RPS6KC1: variants seen among roughly 807,000 people sequenced by gnomAD.
The protein encoded by RPS6KC1 is ribosomal protein S6 kinase C1, also known as inactive ribosomal protein S6 kinase delta-1.
Under a neutral mutation model 103.8 loss-of-function variants are expected in RPS6KC1, and 54 were observed. The ratio of observed to expected loss-of-function variants is 0.52; its 90% CI spans 0.42 to 0.65. RPS6KC1 has a LOEUF of 0.65. RPS6KC1 is among the 30% of genes least tolerant of loss of function. The pLI is 0.00. For missense variants in RPS6KC1, 1,151 were observed against 1,253.8 expected (o/e 0.92, Z 1.24); for synonymous variants, 439 against 438.7 (o/e 1.00, Z -0.01).
chr1:213,827,188 T>G, the RPS6KC1 span, among the ~76,000 whole-genome samples: 3 of 152,176 alleles, frequency 2.0e-5, no homozygotes, highest in Non-Finnish European at 4.4e-5. Flanking sequence ...CACATGTTAT[T>G]GAACCTCCAC....
the RPS6KC1 span, among the ~76,000 whole-genome samples, chr1:213,671,390 G>A: frequency 2.0e-5 from 3 of 152,132 alleles, no homozygotes; most frequent in East Asian, 1.9e-4. Flanking sequence ...GGAGGGGAAC[G>A]GGGAGATGTT....
At chr1:213,201,185 T>G (rs968750178) in intron 8 of RPS6KC1, among the ~76,000 whole-genome samples, 1 of 152,230 alleles carries the variant, frequency 6.6e-6, no homozygotes, top group African/African-American at 2.4e-5. Flanking sequence ...TATTCATAAT[T>G]GCCAAAATGT....
At chr1:213,140,712 T>G (rs1389546564) in intron 6 of RPS6KC1, among the ~76,000 whole-genome samples, 1 of 152,102 alleles carries the variant, frequency 6.6e-6, no homozygotes, top group East Asian at 1.9e-4. Context: ...GATTAGCTTT[T>G]TGATGTGCTG....
the RPS6KC1 span, among the ~76,000 whole-genome samples, chr1:213,732,879 G>A: frequency 2.0e-5 from 3 of 152,056 alleles, no homozygotes; most frequent in Non-Finnish European, 2.9e-5. Context: ...TACCCCTCAC[G>A]TATAAGTGAG....
the RPS6KC1 span, among the ~76,000 whole-genome samples, chr1:213,284,823 GCTT>G: frequency 6.6e-6 from 1 of 152,142 alleles, no homozygotes; most frequent in Non-Finnish European, 1.5e-5. Context: ...AGTACTTTGA[GCTT>G]CTAGAAGAAA....
chr1:213,261,810 A>T (rs1289010773), intron 13 of RPS6KC1, among the ~76,000 whole-genome samples, 170 bp downstream of exon 13: 1 of 152,172 alleles, frequency 6.6e-6, no homozygotes, highest in Non-Finnish European at 1.5e-5. Context: ...GATTTTTTTT[A>T]AAAGTTGGAT....
chr1:213,277,213 G>A (rs74361610), downstream of RPS6KC1, among the ~76,000 whole-genome samples: 1,704 of 152,292 alleles, frequency 0.011, 36 homozygotes, highest in African/African-American at 0.037. Context: ...AAGTACTACA[G>A]GTTTTTGTGA....
the RPS6KC1 span, among the ~76,000 whole-genome samples, chr1:213,436,726 CT>C: frequency 4.6e-5 from 7 of 152,252 alleles, no homozygotes; most frequent in East Asian, 1.3e-3. Context: ...GTTTTAGACA[CT>C]TTTCAACAGA....
At chr1:213,182,835 T>A (rs546092267) in intron 8 of RPS6KC1, among the ~76,000 whole-genome samples, 40 of 148,660 alleles carry the variant, frequency 2.7e-4, no homozygotes, top group African/African-American at 9.1e-4. Flanking sequence ...TTCTTATATA[T>A]CATGATTTAT....
intron 8 of RPS6KC1, among the ~76,000 whole-genome samples, chr1:213,218,344 C>G (rs1325252321): frequency 6.6e-6 from 1 of 152,070 alleles, no homozygotes; most frequent in Non-Finnish European, 1.5e-5. Flanking sequence ...AGGAGAACTA[C>G]AAACCACTGC....
chr1:213,205,886 A>G (rs1403175987), intron 8 of RPS6KC1, among the ~76,000 whole-genome samples: 1 of 152,056 alleles, frequency 6.6e-6, no homozygotes, highest in Admixed American at 6.5e-5. Flanking sequence ...GAATATTTGC[A>G]TTATATTTAC....
At chr1:213,846,722 C>G in the RPS6KC1 span, among the ~76,000 whole-genome samples, 1 of 152,116 alleles carries the variant, frequency 6.6e-6, no homozygotes, top group African/African-American at 2.4e-5. Context: ...AATTTTCTAT[C>G]TAGTTTTTTA....
chr1:213,176,599 G>T, intron 8 of RPS6KC1, 107 bp downstream of exon 8: 1 of 683,704 alleles, frequency 1.5e-6, no homozygotes, highest in Non-Finnish European at 2.4e-6. Context: ...AGGAGAAAAT[G>T]ACTCAAATGC....
At chr1:213,614,754 A>G in the RPS6KC1 span, among the ~76,000 whole-genome samples, 9,379 of 152,304 alleles carry the variant, frequency 0.062, 603 homozygotes, top group East Asian at 0.28. Context: ...GAAGTTTGCC[A>G]TGGCAGAACC....
chr1:213,771,435 G>A, the RPS6KC1 span, among the ~76,000 whole-genome samples: 5 of 152,288 alleles, frequency 3.3e-5, no homozygotes, highest in South Asian at 8.3e-4. Context: ...CACAGGAATA[G>A]GAGGTGAAGT....
At chr1:213,572,851 C>A in the RPS6KC1 span, among the ~76,000 whole-genome samples, 2 of 152,182 alleles carry the variant, frequency 1.3e-5, no homozygotes, top group East Asian at 3.8e-4. Context: ...AATGTCTTCT[C>A]ATTTTCCTAA....
chr1:213,236,145 A>G (rs1352201029), intron 10 of RPS6KC1, among the ~76,000 whole-genome samples: 1 of 151,974 alleles, frequency 6.6e-6, no homozygotes, highest in Non-Finnish European at 1.5e-5. Context: ...ATGCCTGATG[A>G]TCTGAGGTGG....
the RPS6KC1 span, among the ~76,000 whole-genome samples, chr1:213,525,611 G>A: frequency 6.6e-6 from 1 of 152,162 alleles, no homozygotes. Context: ...CTTAGAAGGT[G>A]AAGAGAAATC....
the RPS6KC1 span, among the ~76,000 whole-genome samples, chr1:213,525,203 A>G: frequency 2.6e-5 from 4 of 152,204 alleles, no homozygotes; most frequent in African/African-American, 9.6e-5. Context: ...GGATGGGAAC[A>G]CTGTAGGGGG....
Sources: gnomAD v4.1 joint callset for allele counts (sites outside exome capture counted in the v4.1 genomes callset) on GRCh38, gnomAD v4.1.1 for gene constraint, MANE v1.5 for transcripts, NCBI Gene and HGNC (gene_info 2026-07-23, HGNC 2026-07-21) for gene names.